UBE2D1: variants seen among roughly 807,000 people sequenced by gnomAD.
The protein encoded by UBE2D1 is ubiquitin conjugating enzyme E2 D1.
A neutral mutation model predicts 24.6 loss-of-function variants in UBE2D1; 9 were observed. The ratio of observed to expected loss-of-function variants is 0.37; its 90% confidence interval spans 0.22 to 0.64. UBE2D1 has a LOEUF of 0.64. Ranked by LOEUF, UBE2D1 falls within the 30% of genes least tolerant of loss-of-function variation. UBE2D1 has a pLI of 0.64. For missense variants in UBE2D1, 87 were observed against 177.1 expected, an observed-to-expected ratio of 0.49 and a Z score of 2.89; for synonymous variants, 57 against 57.6, an observed-to-expected ratio of 0.99 and a Z score of 0.04.
At position 58,336,455 on chromosome 10, in the gene UBE2D1, A is replaced by C. The variant is rs575155134; in HGVS notation, c.24+1230A>C. Among the ~76,000 whole-genome samples, 10 of 152,342 alleles carry C rather than the reference A, an allele frequency of 6.6e-5. No individual in the cohort carries two copies. The South Asian group carries it at 2.1e-3, about 32-fold the overall frequency. On this transcript the variant is annotated intron_variant, in intron 1 of 6. Coordinates refer to ENST00000373910, the MANE Select transcript of UBE2D1 (RefSeq NM_003338.5). ...CGCCACTGGTGACATCTTTAGGTACAGAGGACAGCAACTTTTAGAGCCTGC... is the reference window on the plus strand; with the variant it reads ...CGCCACTGGTGACATCTTTAGGTACCGAGGACAGCAACTTTTAGAGCCTGC...
At chr10:58,363,526 C>T (rs376001743) in intron 3 of UBE2D1, 83 bp from the exon 4 acceptor site, 1 of 964,002 alleles carries the variant, frequency 1.0e-6, no homozygotes. Context: ...TTTTTTCAAA[C>T]TGATAATATT....
intron 1 of UBE2D1, among the ~76,000 whole-genome samples, chr10:58,341,387 C>T (rs375032310): frequency 6.6e-5 from 10 of 152,110 alleles, no homozygotes; most frequent in African/African-American, 2.2e-4. Context: ...GAGATGAGAG[C>T]GAGATAGTGT....
At chr10:58,337,110 T>C (rs940446510) in intron 1 of UBE2D1, among the ~76,000 whole-genome samples, 10 of 150,402 alleles carry the variant, frequency 6.6e-5, no homozygotes, top group African/African-American at 2.5e-4. Context: ...TTTTAGTATT[T>C]ATTGGTTATT....
chr10:58,365,271 C>T (rs574082774), intron 5 of UBE2D1, among the ~76,000 whole-genome samples: 39 of 152,050 alleles, frequency 2.6e-4, no homozygotes, highest in Admixed American at 1.2e-3. Context: ...AGTTCGAGAC[C>T]GGCCTGGGCA....
rs1374415872 is a variant in UBE2D1, at chr10:58,361,254, A to G, written c.25-84A>G. ...AACTGCTTTAAATGTTTTTAAAGCT[A>G]ATAGTTTGCATCTTAATGGATCATT... is the stretch of plus-strand genomic sequence containing the variant. On this transcript the variant is annotated intron_variant, in intron 1 of 6. Transcript: ENST00000373910. The G allele has an allele frequency of 7.4e-6, 10 of 1,357,684 alleles. No individual in the cohort carries two copies. The Admixed American group carries it at 1.4e-4, about 19-fold the overall frequency. The allele number at this position is 1,357,684 out of a possible 1,614,324, so 84.1% of individuals were successfully genotyped here.
intron 1 of UBE2D1, 121 bp from the exon 2 acceptor site, chr10:58,361,217 T>A: frequency 1.0e-6 from 1 of 983,758 alleles, no homozygotes; most frequent in Non-Finnish European, 1.5e-6. Flanking sequence ...TATGTTTTTA[T>A]ATTTTGAATA....
intron 1 of UBE2D1, 106 bp downstream of exon 1, chr10:58,335,331 G>A (rs1369313298): frequency 2.3e-6 from 3 of 1,287,208 alleles, no homozygotes; most frequent in Non-Finnish European, 3.1e-6. Flanking sequence ...GGATGGAAGG[G>A]TGGGCCGGGG....
At chr10:58,364,012 G>A (rs1840228012) in intron 4 of UBE2D1, among the ~76,000 whole-genome samples, 1 of 151,076 alleles carries the variant, frequency 6.6e-6, no homozygotes, top group Non-Finnish European at 1.5e-5. Flanking sequence ...TCCTTACAAA[G>A]TTGATCATTC....
At chr10:58,367,897 A>C in intron 5 of UBE2D1, 26 bp from the exon 6 acceptor site, 1 of 1,477,286 alleles carries the variant, frequency 6.8e-7, no homozygotes, top group Non-Finnish European at 9.4e-7. Flanking sequence ...GTTATTGTCT[A>C]ATGTGATGTT....
At chr10:58,366,322 A>C (rs2132334006) in intron 5 of UBE2D1, among the ~76,000 whole-genome samples, 1 of 152,304 alleles carries the variant, frequency 6.6e-6, no homozygotes, top group South Asian at 2.1e-4. Flanking sequence ...TTATAAGTAA[A>C]ATGGGGATTC....
chr10:58,341,393 A>C (rs917246331), intron 1 of UBE2D1, among the ~76,000 whole-genome samples: 2 of 152,220 alleles, frequency 1.3e-5, no homozygotes, highest in Non-Finnish European at 2.9e-5. Flanking sequence ...AGAGCGAGAT[A>C]GTGTTCTTTC....
At chr10:58,342,840 T>G (rs1406242648) in intron 1 of UBE2D1, among the ~76,000 whole-genome samples, 3 of 148,174 alleles carry the variant, frequency 2.0e-5, no homozygotes, top group Non-Finnish European at 4.4e-5. Context: ...TTTTGTTTTT[T>G]TTTTTTTGAG....
At position 58,368,945 on chromosome 10, in the gene UBE2D1, G is replaced by C. The variant is rs1840285998; in HGVS notation, c.*180G>C. 1 of 376,100 alleles carries C rather than the reference G, an allele frequency of 2.7e-6. No individual in the cohort carries two copies. The highest frequency in any genetic ancestry group is 4.6e-5 in the Admixed American group (1 of 21,784). The allele number at this position is 376,100 out of a possible 1,614,324, so 23.3% of individuals were successfully genotyped here. ...AACTTCCAAAAATACCCTTAAGACT[G>C]TGATGAGAGCATTTATCATTTTGTA... On this transcript the variant is annotated 3_prime_UTR_variant, in exon 7 of 7. Coordinates refer to ENST00000373910, the MANE Select transcript of UBE2D1 (RefSeq NM_003338.5).
intron 1 of UBE2D1, among the ~76,000 whole-genome samples, chr10:58,351,799 A>G (rs1840079988): frequency 6.6e-6 from 1 of 152,242 alleles, no homozygotes; most frequent in Non-Finnish European, 1.5e-5. Flanking sequence ...CTGGTAACAC[A>G]GTAGATTTGT....
intron 1 of UBE2D1, among the ~76,000 whole-genome samples, chr10:58,339,041 C>A (rs950970403): frequency 1.3e-5 from 2 of 152,128 alleles, no homozygotes; most frequent in South Asian, 2.1e-4. Context: ...TTATGTCAGT[C>A]TAGAAAACTT....
At chr10:58,350,155 C>A (rs1840057542) in intron 1 of UBE2D1, among the ~76,000 whole-genome samples, 1 of 152,204 alleles carries the variant, frequency 6.6e-6, no homozygotes, top group East Asian at 1.9e-4. Flanking sequence ...TGGGTATATA[C>A]TTAGCAGTAG....
chr10:58,367,456 A>G (rs1840268272), intron 5 of UBE2D1, among the ~76,000 whole-genome samples: 1 of 152,190 alleles, frequency 6.6e-6, no homozygotes, highest in Non-Finnish European at 1.5e-5. Context: ...TGCAATACAA[A>G]TAAACTACAT....
chr10:58,359,902 A>T (rs939307176), intron 1 of UBE2D1, among the ~76,000 whole-genome samples: 9 of 152,176 alleles, frequency 5.9e-5, no homozygotes, highest in African/African-American at 1.2e-4. Flanking sequence ...AGAGTATCTC[A>T]CATCTACCAC....
At chr10:58,368,684 G>C (rs1279038970) in intron 6 of UBE2D1, 36 bp from the exon 7 acceptor site, 13 of 1,440,024 alleles carry the variant, frequency 9.0e-6, no homozygotes, top group Non-Finnish European at 1.2e-5. Context: ...TATTAATTTT[G>C]TATGTTTTTA....
Sources: gnomAD v4.1 joint callset for allele counts (sites outside exome capture counted in the v4.1 genomes callset) on GRCh38, gnomAD v4.1.1 for gene constraint, MANE v1.5 for transcripts, NCBI Gene and HGNC (gene_info 2026-07-23, HGNC 2026-07-21) for gene names.